Variants in ZDHHC14 observed in about 807,000 individuals in gnomAD.
ZDHHC14 encodes the protein palmitoyltransferase ZDHHC14.
Under a neutral mutation model 47.7 loss-of-function variants are expected in ZDHHC14, and 16 were observed. The observed-to-expected ratio is 0.34, with a 90% confidence interval of 0.23 to 0.51. ZDHHC14 has a LOEUF of 0.51. Ranked by LOEUF, ZDHHC14 falls within the 20% of genes least tolerant of loss-of-function variation. ZDHHC14 has a pLI of 0.97. For synonymous variants in ZDHHC14, 293 were observed against 278.9 expected, an observed-to-expected ratio of 1.05 and a Z score of -0.50; for missense variants, 515 against 662.5, an observed-to-expected ratio of 0.78 and a Z score of 2.44.
At chr6:157,649,256 G>A (rs1777704321) in intron 7 of ZDHHC14, among the ~76,000 whole-genome samples, 2 of 152,242 alleles carry the variant, frequency 1.3e-5, no homozygotes, top group East Asian at 1.9e-4. Context: ...ACTTGAAGCG[G>A]TGTGGGGCAG....
At chr6:157,598,297 T>C (rs113647333) in intron 3 of ZDHHC14, among the ~76,000 whole-genome samples, 5,909 of 152,248 alleles carry the variant, frequency 0.039, 351 homozygotes, top group African/African-American at 0.13. Context: ...TATTAGTTTC[T>C]CATAGGAAAG....
At chr6:157,454,462 A>G (rs9347274) in intron 1 of ZDHHC14, among the ~76,000 whole-genome samples, 44,736 of 151,408 alleles carry the variant, frequency 0.3, 7,606 homozygotes, top group East Asian at 0.61. Flanking sequence ...GCAACATAAC[A>G]TTACTGATTT....
In ZDHHC14 at chr6:157,586,335, G is replaced by C. The variant is rs1311338856; in HGVS notation, c.407-6653G>C. ...AGAGAAGCTGGAACTGGCCCTCAAA[G>C]GATAGGATTATCTGCGCAGACAGCA... On this transcript the variant is annotated intron_variant, in intron 2 of 8. Coordinates refer to ENST00000359775, the MANE Select transcript of ZDHHC14 (RefSeq NM_024630.3). The surrounding 1 kb of genome is among the most constrained non-coding windows in gnomAD (Gnocchi z 4.6). Among the ~76,000 whole-genome samples the C allele has an allele frequency of 6.6e-6, 1 of 152,188 alleles. No individual in the cohort carries two copies. The highest frequency in any genetic ancestry group is 2.4e-5 in the African/African-American group (1 of 41,454).
Position 157,636,355 on chromosome 6 carries a change from G to GTA in ZDHHC14, c.752+3474_752+3475insAT, listed in dbSNP as rs575262344. ...TATATAAGTGTGTGTGTGTGTGTGTGTGTGTGCATGCATCTATATCTGTAT... is the reference window on the plus strand; with the variant it reads ...TATATAAGTGTGTGTGTGTGTGTGTGTATGTGTGCATGCATCTATATCTGTAT... On this transcript the variant is annotated intron_variant, in intron 5 of 8. Coordinates refer to ENST00000359775, the MANE Select transcript of ZDHHC14 (RefSeq NM_024630.3). Among the ~76,000 whole-genome samples the GTA allele has an allele frequency of 1.9e-4, 29 of 151,916 alleles. No homozygotes were observed. The East Asian group carries it at 5.6e-3, about 29-fold the overall frequency.
chr6:157,437,907 TA>T (rs532882832), intron 1 of ZDHHC14, among the ~76,000 whole-genome samples: 6,754 of 148,202 alleles, frequency 0.046, 405 homozygotes, highest in African/African-American at 0.13. Flanking sequence ...ATGGTAGAGT[TA>T]AAAAAAAAAA....
Position 157,529,884 on chromosome 6 carries a change from T to C in ZDHHC14, c.246-12701T>C, listed in dbSNP as rs111700761. Among the ~76,000 whole-genome samples the C allele has an allele frequency of 6.7e-3, 1,021 of 152,350 alleles. 9 individuals carry two copies. The highest frequency in any genetic ancestry group is 0.023 in the African/African-American group (971 of 41,578). ...GATTGACTTCTGGTTATGAAACTTA[T>C]TAGCTAAACCAGGCTCAAAGTAATG... On this transcript the variant is annotated intron_variant, in intron 1 of 8. Coordinates refer to ENST00000359775, the MANE Select transcript of ZDHHC14 (RefSeq NM_024630.3).
At position 157,669,546 on chromosome 6, in the gene ZDHHC14, T is replaced by A. The variant is rs114782727; in HGVS notation, c.1069-3178T>A. Among the ~76,000 whole-genome samples the A allele has an allele frequency of 7.2e-3, 1,099 of 152,352 alleles. 21 individuals carry two copies. The highest frequency in any genetic ancestry group is 0.025 in the African/African-American group (1,047 of 41,588). On this transcript the variant is annotated intron_variant, in intron 8 of 8. Coordinates refer to ENST00000359775, the MANE Select transcript of ZDHHC14 (RefSeq NM_024630.3). ...CTCCACCCTCGAACATATTTTTCTG[T>A]GAGTCTGTGAGAGTCAGTCAGAAGT...
intron 1 of ZDHHC14, among the ~76,000 whole-genome samples, chr6:157,417,440 C>G (rs1169188381): frequency 2.6e-5 from 4 of 152,178 alleles, no homozygotes; most frequent in Non-Finnish European, 5.9e-5. Flanking sequence ...TAGAACCCCT[C>G]TCCCTTTTTA....
At chr6:157,416,873 C>T (rs1370557988) in intron 1 of ZDHHC14, among the ~76,000 whole-genome samples, 1 of 143,956 alleles carries the variant, frequency 6.9e-6, no homozygotes, top group African/African-American at 2.6e-5. Context: ...ATGGCGTGAT[C>T]TTGGCTCACT....
chr6:157,418,537 G>A (rs148524074), intron 1 of ZDHHC14, among the ~76,000 whole-genome samples: 299 of 152,268 alleles, frequency 2.0e-3, no homozygotes, highest in African/African-American at 6.9e-3. Context: ...GATGTCCAAA[G>A]CAGTGGGGAA....
At chr6:157,474,759 T>G (rs1779438773) in intron 1 of ZDHHC14, among the ~76,000 whole-genome samples, 2 of 152,232 alleles carry the variant, frequency 1.3e-5, no homozygotes, top group Non-Finnish European at 2.9e-5. Context: ...ATTTGTTTTC[T>G]TAGTATTGAA....
At chr6:157,476,115 T>C (rs1779476365) in intron 1 of ZDHHC14, among the ~76,000 whole-genome samples, 1 of 151,870 alleles carries the variant, frequency 6.6e-6, no homozygotes, top group Non-Finnish European at 1.5e-5. Flanking sequence ...CACAGCAATA[T>C]GAAATAAAGA....
At chr6:157,424,832 A>G (rs1397470644) in intron 1 of ZDHHC14, among the ~76,000 whole-genome samples, 1 of 151,936 alleles carries the variant, frequency 6.6e-6, no homozygotes, top group African/African-American at 2.4e-5. Context: ...TGTGCCCTTC[A>G]CTGCGTCCCC....
chr6:157,385,852 G>A (rs1777299031), intron 1 of ZDHHC14, among the ~76,000 whole-genome samples: 2 of 152,206 alleles, frequency 1.3e-5, no homozygotes, highest in Admixed American at 6.5e-5. Context: ...CAGACCCTAA[G>A]ATTATTACTA....
At chr6:157,464,831 C>T (rs1779167432) in intron 1 of ZDHHC14, among the ~76,000 whole-genome samples, 1 of 152,196 alleles carries the variant, frequency 6.6e-6, no homozygotes, top group African/African-American at 2.4e-5. Context: ...GGGCCGTCCG[C>T]CCTTGGCTGC....
At chr6:157,628,588 C>G in intron 4 of ZDHHC14, 102 bp downstream of exon 4, 2 of 1,429,864 alleles carry the variant, frequency 1.4e-6, no homozygotes, top group Non-Finnish European at 1.9e-6. Flanking sequence ...CGGGCTTTCT[C>G]TTTCCCTTTC....
At chr6:157,495,830 G>A (rs899552523) in intron 1 of ZDHHC14, among the ~76,000 whole-genome samples, 6 of 149,358 alleles carry the variant, frequency 4.0e-5, no homozygotes, top group African/African-American at 7.4e-5. Flanking sequence ...TAACCCCACC[G>A]GGTACCTGGG....
intron 1 of ZDHHC14, among the ~76,000 whole-genome samples, chr6:157,399,425 G>A (rs1429432871): frequency 6.6e-6 from 1 of 152,186 alleles, no homozygotes; most frequent in Admixed American, 6.5e-5. Context: ...TGCCTCATCT[G>A]TCATCTGTAG....
intron 1 of ZDHHC14, among the ~76,000 whole-genome samples, chr6:157,484,311 A>G (rs1183526442): frequency 5.7e-4 from 65 of 113,460 alleles, no homozygotes; most frequent in Non-Finnish European, 1.2e-3. Context: ...ATATACATAT[A>G]TATACACATA....
Sources: allele counts gnomAD v4.1 joint callset (sites outside exome capture counted in the v4.1 genomes callset), GRCh38; gene constraint gnomAD v4.1.1; non-coding constraint Gnocchi (gnomAD v3.1); transcripts MANE v1.5; gene names NCBI Gene and HGNC (gene_info 2026-07-23, HGNC 2026-07-21).